ST14: variants seen among roughly 807,000 people sequenced by gnomAD.
ST14 encodes the protein ST14 transmembrane serine protease matriptase, also known as suppressor of tumorigenicity 14 protein.
In ST14, 40 loss-of-function variants were observed where a neutral mutation model predicts 96.5. The ratio of observed to expected loss-of-function variants is 0.41; its 90% CI spans 0.32 to 0.54. The LOEUF is 0.54. ST14 is among the 20% of genes least tolerant of loss of function. The pLI, the probability that ST14 is intolerant of heterozygous loss-of-function variation, is 0.17. For missense variants in ST14, 1,066 were observed against 1,188.9 expected, an observed-to-expected ratio of 0.90 and a Z score of 1.52; for synonymous variants, 506 against 492.1, an observed-to-expected ratio of 1.03 and a Z score of -0.37.
chr11:130,206,578 T>TTC (rs1953492176), intron 16 of ST14, among the ~76,000 whole-genome samples: 1 of 151,492 alleles, frequency 6.6e-6, no homozygotes, highest in Non-Finnish European at 1.5e-5. Flanking sequence ...TTTTTTTTTT[T>TTC]CTTTTTTGAG....
intron 1 of ST14, among the ~76,000 whole-genome samples, chr11:130,169,080 A>G (rs1953065350): frequency 6.7e-6 from 1 of 149,720 alleles, no homozygotes; most frequent in African/African-American, 2.5e-5. Context: ...ATTTATTTAT[A>G]TAATATAATG....
intron 1 of ST14, among the ~76,000 whole-genome samples, chr11:130,173,317 G>C (rs1410581476): frequency 6.6e-6 from 1 of 152,156 alleles, no homozygotes. Flanking sequence ...AAACTGAAAG[G>C]CTGGGCGCGG....
At chr11:130,207,328 G>T (rs1591898131) in intron 16 of ST14, among the ~76,000 whole-genome samples, 1 of 152,078 alleles carries the variant, frequency 6.6e-6, no homozygotes, top group East Asian at 1.9e-4. Flanking sequence ...AGGTGGGCTG[G>T]TCGTTTGAGG....
At chr11:130,192,813 C>T (rs1953317903) in intron 7 of ST14, among the ~76,000 whole-genome samples, 1 of 152,150 alleles carries the variant, frequency 6.6e-6, no homozygotes, top group Non-Finnish European at 1.5e-5. Flanking sequence ...ATGGTCTTTC[C>T]AAATCAGTCA....
In ST14 at chr11:130,188,288, G is replaced by T. The variant is rs764307483; in HGVS notation, c.241+15G>T. On this transcript the variant is annotated intron_variant, in intron 2 of 18. Transcript: ENST00000278742. The surrounding 1 kb of genome is among the most constrained non-coding windows in gnomAD (Gnocchi z 5.4). ...GCATTTGCAGTGTGAGTAAAGCTGG[G>T]GCTGGCTCCGGGGAGGACGACAAGG... 1 of 1,609,478 alleles carries T rather than the reference G, an allele frequency of 6.2e-7. No individual in the cohort carries two copies. The highest frequency in any genetic ancestry group is 1.3e-5 in the African/African-American group (1 of 74,832).
intron 1 of ST14, among the ~76,000 whole-genome samples, chr11:130,167,454 G>T (rs898114296): frequency 3.9e-5 from 6 of 152,108 alleles, no homozygotes; most frequent in Admixed American, 1.3e-4. Flanking sequence ...CACAAGTCTT[G>T]TGTGTGTGTT....
In ST14 at chr11:130,187,853, G is replaced by A. The variant is rs769571801; in HGVS notation, c.82-261G>A. 1.3e-5 allele frequency among the ~76,000 whole-genome samples: 2 copies of A among 152,160 alleles called. No homozygotes were observed. The highest frequency in any genetic ancestry group is 6.5e-5 in the Admixed American group (1 of 15,280). On this transcript the variant is annotated intron_variant, in intron 1 of 18. Transcript: ENST00000278742. This position sits in a 1 kb window ranked among gnomAD's most constrained non-coding sequence, Gnocchi z 4.5. ...AATGAACAATTCGTAAGCAATGATC[G>A]CCTGGTGCTGTCCAGACCCTGAGAT...
intron 1 of ST14, among the ~76,000 whole-genome samples, chr11:130,182,926 A>G (rs1220267962): frequency 2.7e-5 from 4 of 149,534 alleles, no homozygotes; most frequent in Non-Finnish European, 1.5e-5. Flanking sequence ...CTGGGATTAC[A>G]GGCATGAGCC....
At chr11:130,199,334 G>A (rs1227923711) in intron 15 of ST14, among the ~76,000 whole-genome samples, 5 of 152,228 alleles carry the variant, frequency 3.3e-5, no homozygotes, top group Admixed American at 6.5e-5. Context: ...GCTGCAGTGC[G>A]TTGCTGGCCC....
rs1409930369 is a variant in ST14 at position 130,162,043 on chromosome 11, G to A, written c.81+1983G>A. 7.2e-5 allele frequency among the ~76,000 whole-genome samples: 11 copies of A among 152,304 alleles called. No individual in the cohort carries two copies. In the East Asian group the frequency reaches 1.2e-3, roughly 16 times the overall value. ...GTTTGCAGCTAGGATGTCCATCCCC[G>A]GCCGGGAGGTGTGGCTGCTGCCCCT... On this transcript the variant is annotated intron_variant, in intron 1 of 18. Transcript: ENST00000278742.
chr11:130,193,676 G>C (rs1165095055), intron 7 of ST14, among the ~76,000 whole-genome samples: 3 of 152,134 alleles, frequency 2.0e-5, no homozygotes, highest in African/African-American at 7.2e-5. Context: ...CACCATGTTG[G>C]CCAGGCCGGT....
intron 8 of ST14, 49 bp from the exon 9 acceptor site, chr11:130,194,591 G>T: frequency 6.3e-7 from 1 of 1,595,858 alleles, no homozygotes; most frequent in Non-Finnish European, 8.6e-7. Context: ...CCGCCTGCTC[G>T]GCCGGGCAGG....
intron 7 of ST14, among the ~76,000 whole-genome samples, chr11:130,193,490 C>G (rs78654041): frequency 0.029 from 3,623 of 124,988 alleles, 156 homozygotes; most frequent in African/African-American, 0.099. Flanking sequence ...TTTTTTTTTT[C>G]TGACAGTCTC....
rs200399066 is a variant in ST14 at position 130,188,538 on chromosome 11, G to A, written c.250G>A (p.Val84Met). Residue 84 changes from valine (V) to methionine (M), a missense_variant, in exon 3 of 19, where the codon GTG (valine) becomes ATG (methionine). Physicochemically the swap from Val to Met is conservative, Grantham distance 21. Coordinates refer to ENST00000278742, the MANE Select transcript of ST14 (RefSeq NM_021978.4). The surrounding 1 kb of genome is among the most constrained non-coding windows in gnomAD (Gnocchi z 5.4). ...CTTCTGGTCTCACACAGACCGGGACGTGCGTGTCCAGAAGGTCTTCAATGG... is the reference window on the plus strand; with the variant it reads ...CTTCTGGTCTCACACAGACCGGGACATGCGTGTCCAGAAGGTCTTCAATGG... ...FLVWHLQYRDVRVQKVFNGYM... is the reference protein window; with the variant it reads ...FLVWHLQYRDMRVQKVFNGYM... 25 of 1,613,952 alleles carry A rather than the reference G, an allele frequency of 1.5e-5. No homozygotes were observed. In the Middle Eastern group the frequency reaches 4.9e-4, roughly 32 times the overall value.
intron 1 of ST14, among the ~76,000 whole-genome samples, chr11:130,177,061 G>C (rs556822970): frequency 5.3e-4 from 80 of 151,682 alleles, no homozygotes; most frequent in South Asian, 1.2e-3. Context: ...GCCTCCCAGA[G>C]TGCTGGGATT....
chr11:130,189,904 C>G lies in ST14; in HGVS notation c.598+8C>G, dbSNP rs769458842. 6.2e-7 allele frequency: 1 copy of G among 1,613,526 alleles called. No homozygotes were observed. The highest frequency in any genetic ancestry group is 8.5e-7 in the Non-Finnish European group (1 of 1,179,908). On this transcript the variant is annotated splice_region_variant and intron_variant, in intron 5 of 18. Transcript: ENST00000278742. The stretch of plus-strand genomic sequence containing the variant: ...CCTCAGTGGTGGCTTTCCGTGAGTC[C>G]GAGGGCCAGGGGTGGGCGTGGGACT...
chr11:130,196,732 G>A (rs377623037), intron 11 of ST14, 32 bp downstream of exon 11: 30 of 1,613,954 alleles, frequency 1.9e-5, no homozygotes, highest in Middle Eastern at 1.6e-4. Flanking sequence ...GAGGGCTGGC[G>A]GGGGCCTGCA....
chr11:130,179,757 AAC>A (rs897743633), intron 1 of ST14, among the ~76,000 whole-genome samples: 3 of 152,134 alleles, frequency 2.0e-5, no homozygotes, highest in Admixed American at 1.3e-4. Context: ...CCAGGGGACA[AAC>A]ACAGAGTTTG....
At chr11:130,195,488 T>C (rs1953350574) in intron 9 of ST14, among the ~76,000 whole-genome samples, 2 of 152,104 alleles carry the variant, frequency 1.3e-5, no homozygotes, top group African/African-American at 2.4e-5. Context: ...AGAAGGTGTG[T>C]GAGACAAGAG....
Sources: allele counts gnomAD v4.1 joint callset (sites outside exome capture counted in the v4.1 genomes callset), GRCh38; gene constraint gnomAD v4.1.1; non-coding constraint Gnocchi (gnomAD v3.1); transcripts MANE v1.5; gene names NCBI Gene and HGNC (gene_info 2026-07-23, HGNC 2026-07-21).